LACTBL1: variants seen among roughly 807,000 people sequenced by gnomAD.
LACTBL1 encodes beta-lactamase-like protein 1.
A neutral mutation model predicts 39.6 loss-of-function variants in LACTBL1; 29 were observed. The observed-to-expected ratio is 0.73, with a 90% CI of 0.55 to 1.00. LACTBL1 has a LOEUF of 1.00. Ranked by LOEUF, LACTBL1 falls within the 50% of genes least tolerant of loss-of-function variation. The probability of loss-of-function intolerance (pLI) is 0.00; values close to 1 mark genes in which losing one functional copy is unlikely to be tolerated. For synonymous variants in LACTBL1, 361 were observed against 360.7 expected (o/e 1.00, Z -0.01); for missense variants, 711 against 748.5 (o/e 0.95, Z 0.59).
the LACTBL1 span, among the ~76,000 whole-genome samples, chr1:22,970,923 C>G: frequency 2.0e-5 from 3 of 152,010 alleles, no homozygotes; most frequent in Non-Finnish European, 4.4e-5. Flanking sequence ...TTGGGATTCT[C>G]TACCTGTTGG....
upstream of LACTBL1, among the ~76,000 whole-genome samples, chr1:22,966,513 G>T (rs1449003357): frequency 2.0e-5 from 3 of 152,176 alleles, no homozygotes; most frequent in Non-Finnish European, 4.4e-5. Context: ...CATCACTACA[G>T]ATCTTACAGA....
At chr1:22,970,065 G>C (rs1372018590), upstream of LACTBL1, among the ~76,000 whole-genome samples, 1 of 152,216 alleles carries the variant, frequency 6.6e-6, no homozygotes, top group Admixed American at 6.6e-5. Flanking sequence ...AGGTGTTGAA[G>C]AGGGTTGGCT....
intron 2 of LACTBL1, among the ~76,000 whole-genome samples, chr1:22,962,793 A>G (rs2124235577): frequency 6.6e-6 from 1 of 152,232 alleles, no homozygotes; most frequent in East Asian, 1.9e-4. Flanking sequence ...CTCCAGAAGG[A>G]GGAACTGACC....
chr1:22,953,634 C>T, exon 6 of LACTBL1: 1 of 1,266,996 alleles, frequency 7.9e-7, no homozygotes, highest in Non-Finnish European at 9.9e-7. Flanking sequence ...GCGCGTGGAA[C>T]TCCCACGGCG....
At chr1:22,955,120 T>C (rs1640748131) in intron 5 of LACTBL1, among the ~76,000 whole-genome samples, 2 of 152,234 alleles carry the variant, frequency 1.3e-5, no homozygotes, top group Admixed American at 1.3e-4. Flanking sequence ...AAACATTCCA[T>C]TCAAACAGAA....
At chr1:22,954,154 G>C in intron 5 of LACTBL1, 130 bp from the exon 8 acceptor site, 1 of 1,425,618 alleles carries the variant, frequency 7.0e-7, no homozygotes, top group South Asian at 1.5e-5. Flanking sequence ...CAGGTGGTCA[G>C]ACCTGGAAGA....
the LACTBL1 span, among the ~76,000 whole-genome samples, chr1:22,972,109 CTG>C: frequency 1.3e-5 from 2 of 151,838 alleles, no homozygotes; most frequent in Non-Finnish European, 2.9e-5. Context: ...ACATTTGAAA[CTG>C]TTCCTGGCCT....
At chr1:22,962,839 A>G (rs1043646411) in intron 2 of LACTBL1, among the ~76,000 whole-genome samples, 4 of 152,068 alleles carry the variant, frequency 2.6e-5, no homozygotes, top group African/African-American at 7.2e-5. Flanking sequence ...AAAGTCCCCT[A>G]AACTTTTCTT....
the LACTBL1 span, among the ~76,000 whole-genome samples, chr1:22,971,547 A>G: frequency 2.0e-5 from 3 of 152,054 alleles, no homozygotes. Flanking sequence ...CTGTGCCCCA[A>G]TCACCCTCAC....
At chr1:22,953,072 G>A (rs1410484707) in exon 6 of LACTBL1, 3 of 1,232,158 alleles carry the variant, frequency 2.4e-6, no homozygotes, top group Admixed American at 4.2e-5. Context: ...GGCTTGCCCC[G>A]CAGCCGCAGC....
upstream of LACTBL1, among the ~76,000 whole-genome samples, chr1:22,966,646 C>T (rs1031598204): frequency 1.3e-5 from 2 of 152,182 alleles, no homozygotes; most frequent in South Asian, 2.1e-4. Context: ...TCATGGTTTC[C>T]GATTCTCTTC....
intron 2 of LACTBL1, among the ~76,000 whole-genome samples, chr1:22,960,883 G>T (rs950761512): frequency 2.0e-5 from 3 of 152,084 alleles, no homozygotes; most frequent in African/African-American, 7.2e-5. Context: ...AGGCTCAAGT[G>T]ATCCTCCCGC....
At chr1:22,963,285 C>G (rs887298084) in intron 1 of LACTBL1, 69 bp from the exon 4 acceptor site, 1 of 911,580 alleles carries the variant, frequency 1.1e-6, no homozygotes, top group Non-Finnish European at 1.5e-6. Flanking sequence ...AAAGTGGCAG[C>G]AAAGGCCAGA....
At chr1:22,970,066 A>G (rs1640922686), upstream of LACTBL1, among the ~76,000 whole-genome samples, 1 of 152,228 alleles carries the variant, frequency 6.6e-6, no homozygotes, top group African/African-American at 2.4e-5. Flanking sequence ...GGTGTTGAAG[A>G]GGGTTGGCTA....
At chr1:22,958,064 T>G (rs1483041281) in intron 4 of LACTBL1, among the ~76,000 whole-genome samples, 1 of 152,200 alleles carries the variant, frequency 6.6e-6, no homozygotes, top group Non-Finnish European at 1.5e-5. Context: ...CTTTTATATA[T>G]TAAGGGAAAT....
chr1:22,956,837 TATA>T (rs1400634702), intron 4 of LACTBL1, among the ~76,000 whole-genome samples: 1 of 152,130 alleles, frequency 6.6e-6, no homozygotes, highest in Non-Finnish European at 1.5e-5. Context: ...AATAATTTAT[TATA>T]ATAAGTAATT....
intron 2 of LACTBL1, among the ~76,000 whole-genome samples, chr1:22,960,322 C>T (rs924674308): frequency 4.6e-5 from 7 of 152,134 alleles, no homozygotes; most frequent in African/African-American, 7.2e-5. Context: ...GGGGTTAAAA[C>T]GACTGCTTTA....
chr1:22,966,088 T>C (rs1172473123), upstream of LACTBL1, among the ~76,000 whole-genome samples: 1 of 152,236 alleles, frequency 6.6e-6, no homozygotes, highest in Non-Finnish European at 1.5e-5. Flanking sequence ...GTGAATTTTA[T>C]GTCATATGAA....
At chr1:22,966,275 A>G (rs1224172380), upstream of LACTBL1, among the ~76,000 whole-genome samples, 2 of 152,240 alleles carry the variant, frequency 1.3e-5, no homozygotes, top group African/African-American at 2.4e-5. Flanking sequence ...GGATATACTG[A>G]TGAACAGAAA....
Sources: allele counts gnomAD v4.1 joint callset (sites outside exome capture counted in the v4.1 genomes callset), GRCh38; gene constraint gnomAD v4.1.1; transcripts MANE v1.5; gene names NCBI Gene and HGNC (gene_info 2026-07-23, HGNC 2026-07-21).